Variants in RASAL2 observed in about 807,000 individuals in gnomAD.
RASAL2 encodes ras GTPase-activating protein nGAP.
In RASAL2, 58 loss-of-function variants were observed where a neutral mutation model predicts 128.9. The observed-to-expected ratio is 0.45, with a 90% CI of 0.36 to 0.56. The LOEUF (loss-of-function observed/expected upper bound fraction) is 0.56. Among genes scored for constraint, RASAL2 ranks in the 20% least tolerant of loss-of-function variants. The probability of loss-of-function intolerance (pLI) is 0.00; values close to 1 mark genes in which losing one functional copy is unlikely to be tolerated. For missense variants in RASAL2, 1,360 were observed against 1,601.6 expected (o/e 0.85, Z 2.57); for synonymous variants, 561 against 580.8 (o/e 0.97, Z 0.49).
intron 1 of RASAL2, among the ~76,000 whole-genome samples, chr1:178,116,532 CT>C (rs796329539): frequency 0.016 from 2,347 of 146,474 alleles, 52 homozygotes; most frequent in African/African-American, 0.05. Context: ...TTAAACATTA[CT>C]TTTTTTTTTT....
chr1:178,250,033 CGG>C (rs1664966534), intron 1 of RASAL2, among the ~76,000 whole-genome samples: 1 of 152,168 alleles, frequency 6.6e-6, no homozygotes, highest in Non-Finnish European at 1.5e-5. Context: ...GGAGGCTTGG[CGG>C]TCAGGGACCC....
At chr1:178,171,229 A>G (rs185461493) in intron 1 of RASAL2, among the ~76,000 whole-genome samples, 1 of 152,034 alleles carries the variant, frequency 6.6e-6, no homozygotes, top group Non-Finnish European at 1.5e-5. Context: ...CTTTTAAATA[A>G]TGTGATCTCT....
At chr1:178,458,903 A>T (rs895850161) in intron 14 of RASAL2, among the ~76,000 whole-genome samples, 2 of 152,202 alleles carry the variant, frequency 1.3e-5, no homozygotes, top group Non-Finnish European at 2.9e-5. Flanking sequence ...CTGAAAATTA[A>T]TCCTTCTTAA....
At chr1:178,412,763 G>A (rs1377062216) in intron 4 of RASAL2, among the ~76,000 whole-genome samples, 1 of 152,146 alleles carries the variant, frequency 6.6e-6, no homozygotes, top group Non-Finnish European at 1.5e-5. Context: ...AAATGCTGGA[G>A]GCTTAGTGTG....
intron 14 of RASAL2, among the ~76,000 whole-genome samples, chr1:178,460,707 T>C (rs748579544): frequency 1.3e-5 from 2 of 152,248 alleles, no homozygotes; most frequent in Non-Finnish European, 2.9e-5. Flanking sequence ...GCCACTGTCC[T>C]ATCAGTTGAA....
chr1:178,148,714 G>C (rs1168965192), intron 1 of RASAL2, among the ~76,000 whole-genome samples: 1 of 152,066 alleles, frequency 6.6e-6, no homozygotes, highest in Non-Finnish European at 1.5e-5. Context: ...AAAGTGTTAG[G>C]ATTACAGGCA....
intron 1 of RASAL2, among the ~76,000 whole-genome samples, chr1:178,107,829 AT>A (rs1659154583): frequency 6.6e-6 from 1 of 152,218 alleles, no homozygotes; most frequent in African/African-American, 2.4e-5. Context: ...CATTGTATGT[AT>A]AAACTATATT....
intron 2 of RASAL2, among the ~76,000 whole-genome samples, chr1:178,288,041 T>C (rs544922812): frequency 1.8e-4 from 28 of 152,216 alleles, no homozygotes; most frequent in African/African-American, 6.5e-4. Flanking sequence ...TTAACAGACA[T>C]TAAATCACAA....
chr1:178,228,053 G>A (rs747631925), intron 1 of RASAL2, among the ~76,000 whole-genome samples: 1 of 152,158 alleles, frequency 6.6e-6, no homozygotes, highest in African/African-American at 2.4e-5. Context: ...TAACTAACGT[G>A]AGTGATATTA....
At position 178,094,702 on chromosome 1, in the gene RASAL2, C is replaced by T; in HGVS notation, c.202+8C>T. The T allele has an allele frequency of 6.2e-7, 1 of 1,613,894 alleles. No homozygotes were observed. The highest frequency in any genetic ancestry group is 8.5e-7 in the Non-Finnish European group (1 of 1,179,928). ...GCTGGGTCCGGGTGTACGGTAAGGA[C>T]CACAGGCCGTCTTAGAGGCTGGTGT... On this transcript the variant is annotated splice_region_variant and intron_variant, in intron 1 of 17. Transcript: ENST00000367649.
chr1:178,203,078 GA>G (rs1662927959), intron 1 of RASAL2, among the ~76,000 whole-genome samples: 1 of 152,188 alleles, frequency 6.6e-6, no homozygotes, highest in South Asian at 2.1e-4. Context: ...TTCTATCATG[GA>G]AAGGGCAGAG....
At chr1:178,114,519 G>A (rs1336086898) in intron 1 of RASAL2, among the ~76,000 whole-genome samples, 1 of 148,494 alleles carries the variant, frequency 6.7e-6, no homozygotes, top group Non-Finnish European at 1.5e-5. Context: ...CTTGATTTTT[G>A]AGGTTTTTTT....
chr1:178,235,577 T>C (rs1463977563), intron 1 of RASAL2, among the ~76,000 whole-genome samples: 1 of 152,100 alleles, frequency 6.6e-6, no homozygotes, highest in Non-Finnish European at 1.5e-5. Context: ...GTTACTCCGC[T>C]ATCTCCTAAG....
intron 4 of RASAL2, among the ~76,000 whole-genome samples, chr1:178,399,496 C>T (rs541727614): frequency 1.1e-3 from 171 of 152,176 alleles, no homozygotes; most frequent in African/African-American, 4.0e-3. Flanking sequence ...TGGCATGACA[C>T]GCAGGTTTGG....
intron 5 of RASAL2, among the ~76,000 whole-genome samples, chr1:178,421,248 A>G (rs1024547969): frequency 1.3e-5 from 2 of 152,160 alleles, no homozygotes; most frequent in Non-Finnish European, 2.9e-5. Context: ...GACGTGCTGA[A>G]AAGGAAGCCT....
At chr1:178,240,785 T>C (rs901851673) in intron 1 of RASAL2, among the ~76,000 whole-genome samples, 1 of 151,818 alleles carries the variant, frequency 6.6e-6, no homozygotes, top group African/African-American at 2.4e-5. Flanking sequence ...AACAAAATTG[T>C]GTGACTGCAA....
chr1:178,306,534 T>C (rs987448743), intron 3 of RASAL2, among the ~76,000 whole-genome samples: 3 of 152,084 alleles, frequency 2.0e-5, no homozygotes, highest in African/African-American at 7.2e-5. Context: ...AGTGTTCCTA[T>C]TTCTCCACAT....
intron 3 of RASAL2, among the ~76,000 whole-genome samples, chr1:178,312,090 G>A (rs1668283332): frequency 6.6e-6 from 1 of 151,970 alleles, no homozygotes; most frequent in Admixed American, 6.6e-5. Context: ...GAGAGGACCA[G>A]TCTAGGAAGT....
intron 9 of RASAL2, among the ~76,000 whole-genome samples, chr1:178,449,632 T>TA (rs1382781604): frequency 6.6e-6 from 1 of 152,100 alleles, no homozygotes; most frequent in Non-Finnish European, 1.5e-5. Flanking sequence ...AAGCACCTTC[T>TA]AGTTACAAAT....
Sources: allele counts gnomAD v4.1 joint callset (sites outside exome capture counted in the v4.1 genomes callset), GRCh38; gene constraint gnomAD v4.1.1; transcripts MANE v1.5; gene names NCBI Gene and HGNC (gene_info 2026-07-23, HGNC 2026-07-21).